Variants in CLXN observed in about 807,000 individuals in gnomAD.
CLXN encodes EF-hand calcium binding domain 1.
the CLXN span, among the ~76,000 whole-genome samples, chr8:48,729,507 A>G: frequency 6.6e-6 from 1 of 151,706 alleles, no homozygotes; most frequent in Non-Finnish European, 1.5e-5. Context: ...TGGGAGACAG[A>G]GCGAGACCCT....
At chr8:48,711,206 G>A in the CLXN span, 3 of 152,084 alleles carry the variant, frequency 2.0e-5, no homozygotes, top group Non-Finnish European at 2.9e-5. Context: ...TTCATTTCAT[G>A]GCCTCTTATC....
chr8:48,712,990 CAAAAAAAAAA>C, the CLXN span, among the ~76,000 whole-genome samples: 4 of 99,522 alleles, frequency 4.0e-5, no homozygotes, highest in African/African-American at 1.9e-4. Context: ...ACTCCTCTGT[CAAAAAAAAAA>C]AAAAAAAAAG....
the CLXN span, chr8:48,711,204 A>G: frequency 1.5e-4 from 23 of 152,268 alleles, no homozygotes; most frequent in Admixed American, 1.4e-3. Context: ...ACTTCATTTC[A>G]TGGCCTCTTA....
At chr8:48,710,963 C>T in the CLXN span, 4 of 152,134 alleles carry the variant, frequency 2.6e-5, no homozygotes, top group African/African-American at 9.7e-5. Context: ...TGGTTCCTAC[C>T]AACCTATAAT....
At chr8:48,719,221 A>G in the CLXN span, among the ~76,000 whole-genome samples, 1 of 152,170 alleles carries the variant, frequency 6.6e-6, no homozygotes, top group Non-Finnish European at 1.5e-5. Flanking sequence ...CTGAATTAGG[A>G]AGAAACAGAA....
At chr8:48,732,857 G>C in the CLXN span, among the ~76,000 whole-genome samples, 10 of 152,106 alleles carry the variant, frequency 6.6e-5, no homozygotes, top group Non-Finnish European at 7.4e-5. Flanking sequence ...GACACAAAAG[G>C]ACACATATTG....
chr8:48,724,599 G>GT, the CLXN span: 1 of 592,680 alleles, frequency 1.7e-6, no homozygotes, highest in East Asian at 3.0e-5. Context: ...TTACACTGAT[G>GT]TTAAATGATA....
At chr8:48,730,070 A>T in the CLXN span, 2 of 451,286 alleles carry the variant, frequency 4.4e-6, no homozygotes, top group Admixed American at 3.8e-5. Context: ...CTCAATTATG[A>T]AAAAGCATAC....
chr8:48,722,306 G>C, the CLXN span, among the ~76,000 whole-genome samples: 3 of 152,188 alleles, frequency 2.0e-5, no homozygotes, highest in African/African-American at 4.8e-5. Context: ...ATGGAGAAAA[G>C]AGAATCCTGT....
chr8:48,735,214 C>G, the CLXN span: 1 of 1,591,968 alleles, frequency 6.3e-7, no homozygotes, highest in East Asian at 2.2e-5. Context: ...CCGAGACCCT[C>G]GCGGGACCCC....
At chr8:48,735,292 A>T in the CLXN span, 3 of 960,230 alleles carry the variant, frequency 3.1e-6, no homozygotes, top group African/African-American at 1.6e-5. Flanking sequence ...GCCCTAACAG[A>T]CGGTGTAGCC....
chr8:48,710,803 C>G, the CLXN span: 2 of 152,220 alleles, frequency 1.3e-5, no homozygotes, highest in African/African-American at 4.8e-5. Context: ...TCCAATTTTA[C>G]ATAAATTTAA....
At chr8:48,724,844 G>A in the CLXN span, 2 of 1,534,930 alleles carry the variant, frequency 1.3e-6, no homozygotes, top group Non-Finnish European at 1.8e-6. Context: ...TTCCAAAAAA[G>A]GTAGAACACC....
the CLXN span, among the ~76,000 whole-genome samples, chr8:48,725,401 G>T: frequency 7.2e-5 from 11 of 152,334 alleles, no homozygotes; most frequent in South Asian, 2.3e-3. Context: ...CATTATATAA[G>T]AAACAGAAGT....
chr8:48,729,807 C>T, the CLXN span: 13 of 1,613,492 alleles, frequency 8.1e-6, 1 homozygote, highest in South Asian at 1.3e-4. Flanking sequence ...TGTTCTTCAA[C>T]ATGTGAAACA....
At chr8:48,724,160 A>G in the CLXN span, 2 of 152,306 alleles carry the variant, frequency 1.3e-5, no homozygotes, top group South Asian at 2.1e-4. Flanking sequence ...GGTGCTTACA[A>G]TCAGTAACGT....
At chr8:48,721,329 C>T in the CLXN span, among the ~76,000 whole-genome samples, 1 of 152,102 alleles carries the variant, frequency 6.6e-6, no homozygotes, top group Admixed American at 6.5e-5. Context: ...AATAAAAGGG[C>T]ATCTCATATT....
chr8:48,735,295 G>C, the CLXN span: 2 of 915,432 alleles, frequency 2.2e-6, no homozygotes, highest in East Asian at 2.5e-5. Flanking sequence ...CTAACAGACG[G>C]TGTAGCCAAG....
chr8:48,723,024 T>G, the CLXN span, among the ~76,000 whole-genome samples: 1 of 152,246 alleles, frequency 6.6e-6, no homozygotes, highest in South Asian at 2.1e-4. Flanking sequence ...GGGATGTTGG[T>G]AAAAGGCTAC....
Sources: allele counts gnomAD v4.1 joint callset (sites outside exome capture counted in the v4.1 genomes callset), GRCh38; gene constraint gnomAD v4.1.1; transcripts MANE v1.5; gene names NCBI Gene and HGNC (gene_info 2026-07-23, HGNC 2026-07-21).